Variants in CYRIB observed in about 807,000 individuals in gnomAD.
CYRIB encodes the protein CYFIP-related Rac1 interactor B.
In CYRIB, 8 loss-of-function variants were observed where a neutral mutation model predicts 44.2. That is an observed-to-expected ratio of 0.18 (90% CI 0.11 to 0.33). CYRIB has a LOEUF of 0.33. CYRIB is among the 10% of genes least tolerant of loss of function. The pLI, the probability that CYRIB is intolerant of heterozygous loss-of-function variation, is 1.00. For missense variants in CYRIB, 185 were observed against 382.8 expected, an observed-to-expected ratio of 0.48 and a Z score of 4.31; for synonymous variants, 131 against 127.2, an observed-to-expected ratio of 1.03 and a Z score of -0.20.
intron 1 of CYRIB, among the ~76,000 whole-genome samples, chr8:129,933,107 G>GT (rs554689544): frequency 7.6e-4 from 115 of 152,262 alleles, no homozygotes; most frequent in African/African-American, 2.7e-3. Flanking sequence ...AAGAAATGGT[G>GT]TAAGTAATGA....
intron 1 of CYRIB, among the ~76,000 whole-genome samples, chr8:129,984,612 C>T (rs1006435849): frequency 6.6e-6 from 1 of 152,060 alleles, no homozygotes; most frequent in African/African-American, 2.4e-5. Context: ...CACCTTTTTT[C>T]CTCCCTCTTA....
rs561575649 is a variant in CYRIB at position 129,855,893 on chromosome 8, A to G, written c.302-146T>C. The G allele has an allele frequency of 1.4e-5, 10 of 737,300 alleles. No individual in the cohort carries two copies. In the South Asian group the frequency reaches 1.9e-4, roughly 14 times the overall value. 45.7% of individuals were successfully genotyped at this position (737,300 alleles called of 1,614,324 possible). ...TCTAAACATAATAAAACTAATTAAG[A>G]AGTTTAAATGTTGCCATTGCTAATG... On this transcript the variant is annotated intron_variant, in intron 5 of 11. Coordinates refer to ENST00000519824, the Ensembl canonical transcript of CYRIB.
At chr8:129,870,724 G>A (rs2056827671) in intron 4 of CYRIB, among the ~76,000 whole-genome samples, 2 of 152,194 alleles carry the variant, frequency 1.3e-5, no homozygotes, top group South Asian at 2.1e-4. Context: ...GTAATGAGAA[G>A]GGGAGAGATG....
At chr8:129,904,045 T>C (rs148875517) in intron 1 of CYRIB, among the ~76,000 whole-genome samples, 456 of 152,320 alleles carry the variant, frequency 3.0e-3, no homozygotes, top group Middle Eastern at 0.017. Context: ...TCAGCCACCA[T>C]GCCGGGCTTG....
chr8:129,913,038 C>G (rs2078868391), intron 1 of CYRIB, among the ~76,000 whole-genome samples: 1 of 142,668 alleles, frequency 7.0e-6, no homozygotes, highest in African/African-American at 2.6e-5. Flanking sequence ...GTGGCATGAT[C>G]TAGGCTCACT....
intron 1 of CYRIB, among the ~76,000 whole-genome samples, chr8:129,913,622 T>C (rs1589575383): frequency 6.6e-6 from 1 of 152,312 alleles, no homozygotes; most frequent in South Asian, 2.1e-4. Flanking sequence ...GTGTGAACAG[T>C]TCATGGACCA....
In CYRIB at chr8:129,934,484, T is replaced by C. The variant is rs113421445; in HGVS notation, c.-50+5124A>G. The stretch of plus-strand genomic sequence containing the variant: ...ATATATTATGATACATTATGTCATA[T>C]TGCGGCAGGCCAGGTCTCACTAATG... On this transcript the variant is annotated intron_variant, in intron 1 of 11. Transcript: ENST00000519824. 9.8e-3 allele frequency among the ~76,000 whole-genome samples: 1,495 copies of C among 152,276 alleles called. 35 individuals are homozygous for C. The highest frequency in any genetic ancestry group is 0.034 in the African/African-American group (1,426 of 41,552).
intron 1 of CYRIB, among the ~76,000 whole-genome samples, chr8:129,914,299 G>A (rs568631145): frequency 2.0e-5 from 3 of 152,318 alleles, no homozygotes; most frequent in South Asian, 2.1e-4. Flanking sequence ...TGGTGACACC[G>A]CTGCCAACAG....
chr8:129,850,953 C>T (rs574305934), intron 8 of CYRIB, 39 bp from the exon 11 acceptor site: 10 of 1,294,838 alleles, frequency 7.7e-6, no homozygotes, highest in African/African-American at 4.4e-5. Context: ...GTAAAAGTAA[C>T]AAACGTTATT....
At chr8:129,943,086 A>ACCCCCCCCCCCCCC (rs779721289), upstream of CYRIB, among the ~76,000 whole-genome samples, 9 of 101,574 alleles carry the variant, frequency 8.9e-5, no homozygotes, top group South Asian at 3.7e-4. Flanking sequence ...TGCACCGCCC[A>ACCCCCCCCCCCCCC]CCCGCCCCCC....
intron 1 of CYRIB, among the ~76,000 whole-genome samples, chr8:129,993,817 G>A (rs1242380806): frequency 6.6e-5 from 10 of 151,094 alleles, no homozygotes; most frequent in African/African-American, 1.5e-4. Context: ...AGCTGAGACC[G>A]CACCACTGCA....
At chr8:129,868,578 T>C (rs112149330) in intron 4 of CYRIB, 60 of 152,296 alleles carry the variant, frequency 3.9e-4, no homozygotes, top group Middle Eastern at 3.4e-3. Context: ...GAGTGAACTA[T>C]GCGTGGCTAT....
At chr8:129,942,900 G>A (rs928533979), upstream of CYRIB, among the ~76,000 whole-genome samples, 1 of 152,208 alleles carries the variant, frequency 6.6e-6, no homozygotes, top group Non-Finnish European at 1.5e-5. Flanking sequence ...CAACTTCACA[G>A]CTTCTATGGA....
At chr8:129,983,451 AAAG>A (rs1484663167) in intron 1 of CYRIB, among the ~76,000 whole-genome samples, 2 of 152,032 alleles carry the variant, frequency 1.3e-5, no homozygotes, top group Non-Finnish European at 2.9e-5. Flanking sequence ...TCTCAACAAA[AAAG>A]AAAAATAAAT....
intron 2 of CYRIB, among the ~76,000 whole-genome samples, chr8:129,889,777 T>G (rs76033794): frequency 0.058 from 8,731 of 151,712 alleles, 835 homozygotes; most frequent in African/African-American, 0.19. Context: ...TTATGGATAA[T>G]CAAAGAAAAT....
chr8:129,940,081 T>C (rs932888172), upstream of CYRIB, among the ~76,000 whole-genome samples: 2 of 152,030 alleles, frequency 1.3e-5, no homozygotes, highest in African/African-American at 2.4e-5. Flanking sequence ...TTCGCAAATA[T>C]CGCGCCGAGA....
intron 1 of CYRIB, among the ~76,000 whole-genome samples, chr8:130,013,417 T>C (rs900562720): frequency 1.3e-5 from 2 of 152,172 alleles, no homozygotes; most frequent in Admixed American, 1.3e-4. Context: ...TTTGCCTGTT[T>C]AGAGATGAGG....
chr8:129,891,120 C>G (rs749162630), intron 2 of CYRIB, among the ~76,000 whole-genome samples: 71 of 152,178 alleles, frequency 4.7e-4, no homozygotes, highest in Non-Finnish European at 8.8e-4. Context: ...CTTCAAAGGT[C>G]TGAGACTCCA....
At chr8:129,919,163 C>A (rs1425980763) in intron 1 of CYRIB, among the ~76,000 whole-genome samples, 1 of 152,140 alleles carries the variant, frequency 6.6e-6, no homozygotes, top group Non-Finnish European at 1.5e-5. Flanking sequence ...CGTGCCCACC[C>A]AGCCTACAGA....
Sources: gnomAD v4.1 joint callset for allele counts (sites outside exome capture counted in the v4.1 genomes callset) on GRCh38, gnomAD v4.1.1 for gene constraint, MANE v1.5 for transcripts, NCBI Gene and HGNC (gene_info 2026-07-23, HGNC 2026-07-21) for gene names.